Variants in GBF1 observed in about 807,000 individuals in gnomAD.
GBF1 encodes Golgi-specific brefeldin A-resistance guanine nucleotide exchange factor 1.
Under a neutral mutation model 210.5 loss-of-function variants are expected in GBF1, and 114 were observed. The ratio of observed to expected loss-of-function variants is 0.54; its 90% CI spans 0.47 to 0.63. The LOEUF is 0.63. GBF1 is among the 30% of genes least tolerant of loss of function. The pLI, the probability that GBF1 is intolerant of heterozygous loss-of-function variation, is 0.00. For synonymous variants in GBF1, 850 were observed against 889.2 expected, an observed-to-expected ratio of 0.96 and a Z score of 0.78; for missense variants, 1,851 against 2,357.7, an observed-to-expected ratio of 0.79 and a Z score of 4.45.
At position 102,376,625 on chromosome 10, in the gene GBF1, C is replaced by T. The variant is rs1295647118; in HGVS notation, c.4113C>T (p.Ile1371=). The change falls in exon 32 of 40, where the codon ATC becomes ATT. Residue 1371 remains isoleucine, a synonymous_variant. Transcript: ENST00000369983. ...GCCGCCCAGGCCCTTCACCCCTGAT[C>T]AATCAATACAGCCTAACAGTGGGAC... is the stretch of plus-strand genomic sequence containing the variant. ...GPSRPGPSPL[I]NQYSLTVGLD... The T allele has an allele frequency of 1.2e-6, 2 of 1,613,758 alleles. No individual in the cohort carries two copies. Among genetic ancestry groups the T allele is most frequent in the Admixed American group, 3.3e-5 (2 of 60,016 alleles).
chr10:102,292,811 G>A (rs77414092), intron 3 of GBF1, among the ~76,000 whole-genome samples: 1,858 of 152,214 alleles, frequency 0.012, 33 homozygotes, highest in African/African-American at 0.043. Context: ...TAGCAATATT[G>A]TAGAATATAT....
intron 1 of GBF1, among the ~76,000 whole-genome samples, chr10:102,249,783 C>G (rs1489498272): frequency 6.6e-6 from 1 of 151,512 alleles, no homozygotes; most frequent in Non-Finnish European, 1.5e-5. Context: ...CCTCCGCCTC[C>G]TGGGTTCAAG....
At chr10:102,291,329 G>A (rs2076418087) in intron 3 of GBF1, among the ~76,000 whole-genome samples, 1 of 152,138 alleles carries the variant, frequency 6.6e-6, no homozygotes, top group South Asian at 2.1e-4. Context: ...GAAACGAGAG[G>A]TCCTGGCTGA....
intron 3 of GBF1, among the ~76,000 whole-genome samples, chr10:102,297,347 A>G (rs2076992556): frequency 6.6e-6 from 1 of 152,252 alleles, no homozygotes. Context: ...TACAGTTATC[A>G]CTAGACTTTG....
At chr10:102,364,936 C>A (rs752056121) in intron 17 of GBF1, among the ~76,000 whole-genome samples, 1 of 152,146 alleles carries the variant, frequency 6.6e-6, no homozygotes, top group Non-Finnish European at 1.5e-5. Flanking sequence ...AGTACCTGGC[C>A]GTGACTGGAC....
In GBF1 at chr10:102,255,497, A is replaced by G. The variant is rs58851298; in HGVS notation, c.-10-3432A>G. Reference sequence around the variant, plus strand: ...AATATATGTTTGTGACACAAAATTCAAAAGGTAAAAAAGAATATACAGAGA... The same window carrying G: ...AATATATGTTTGTGACACAAAATTCGAAAGGTAAAAAAGAATATACAGAGA... On this transcript the variant is annotated intron_variant, in intron 1 of 39. Transcript: ENST00000369983. 4.6e-3 allele frequency among the ~76,000 whole-genome samples: 698 copies of G among 152,346 alleles called. 8 individuals carry two copies. The highest frequency in any genetic ancestry group is 0.015 in the African/African-American group (628 of 41,572).
chr10:102,230,997 C>T, the GBF1 span: 1 of 1,600,514 alleles, frequency 6.2e-7, no homozygotes, highest in South Asian at 1.1e-5. Flanking sequence ...CCTCGTAGGG[C>T]GGCACCAGCC....
At chr10:102,302,485 A>G (rs1365252602) in intron 3 of GBF1, among the ~76,000 whole-genome samples, 1 of 152,190 alleles carries the variant, frequency 6.6e-6, no homozygotes, top group Non-Finnish European at 1.5e-5. Flanking sequence ...TGACCTTCCA[A>G]TGGAAGGAAT....
At chr10:102,347,753 T>C (rs1217163222) in intron 4 of GBF1, among the ~76,000 whole-genome samples, 2 of 152,174 alleles carry the variant, frequency 1.3e-5, no homozygotes, top group Non-Finnish European at 2.9e-5. Flanking sequence ...AGAAAACTCC[T>C]GTCTCTTGCT....
rs1251384008 is a variant in GBF1, at chr10:102,379,656, G to A, written c.4776+5G>A. The stretch of plus-strand genomic sequence containing the variant: ...TGGGAGTCCTGTTTTAACAAGGTGG[G>A]ACTTCCTACTGGTCTTAAGATAAAG... On this transcript the variant is annotated splice_donor_5th_base_variant and intron_variant, in intron 35 of 39. Transcript: ENST00000369983. 6.2e-7 allele frequency: 1 copy of A among 1,613,710 alleles called. No homozygotes were observed. Among genetic ancestry groups the A allele is most frequent in the Non-Finnish European group, 8.5e-7 (1 of 1,179,882 alleles).
intron 4 of GBF1, among the ~76,000 whole-genome samples, chr10:102,348,470 C>T (rs967768177): frequency 6.6e-5 from 10 of 152,194 alleles, no homozygotes; most frequent in Non-Finnish European, 1.3e-4. Context: ...GAGATGGGAA[C>T]AAGGCTACTA....
At position 102,344,036 on chromosome 10, in the gene GBF1, T is replaced by A. The variant is rs773210812; in HGVS notation, c.164-15T>A. On this transcript the variant is annotated splice_polypyrimidine_tract_variant and intron_variant, in intron 3 of 39. Transcript: ENST00000369983. Reference sequence around the variant, plus strand: ...CTTAGATGATACCTCTTCATTTCTGTGTATTTTCTTGCAGAACTCTCAGAA... The same window carrying A: ...CTTAGATGATACCTCTTCATTTCTGAGTATTTTCTTGCAGAACTCTCAGAA... 3.1e-6 allele frequency: 5 copies of A among 1,608,772 alleles called. No individual in the cohort carries two copies. The Admixed American group carries it at 8.3e-5, about 27-fold the overall frequency.
chr10:102,271,151 C>T (rs2074375893), intron 3 of GBF1, among the ~76,000 whole-genome samples: 1 of 152,072 alleles, frequency 6.6e-6, no homozygotes, highest in Admixed American at 6.5e-5. Context: ...CATTCTCCTG[C>T]CTCAGCCTCC....
At position 102,366,934 on chromosome 10, in the gene GBF1, A is replaced by C; in HGVS notation, c.2434-151A>C. The C allele has an allele frequency of 2.5e-6, 2 of 795,146 alleles. No homozygotes were observed. The highest frequency in any genetic ancestry group is 4.1e-6 in the Non-Finnish European group (2 of 491,228). The allele number at this position is 795,146 out of a possible 1,614,324, so 49.3% of individuals were successfully genotyped here. A position where few individuals can be genotyped will look rare whatever the true frequency, so the allele number is the denominator to read the frequency against. ...AGCAAAATTAGTGACCTTTCCACAA[A>C]GAGATCAGCTTCTGTTAAGGAGTTG... On this transcript the variant is annotated intron_variant, in intron 19 of 39. Coordinates refer to ENST00000369983, the MANE Select transcript of GBF1 (RefSeq NM_001377137.1). The surrounding 1 kb of genome is among the most constrained non-coding windows in gnomAD (Gnocchi z 4.0).
rs776984544 is a variant in GBF1 at position 102,344,063 on chromosome 10, T to C, written c.176T>C (p.Ile59Thr). 2.5e-6 allele frequency: 4 copies of C among 1,612,772 alleles called. No individual in the cohort carries two copies. Among genetic ancestry groups the C allele is most frequent in the Non-Finnish European group, 2.5e-6 (3 of 1,178,884 alleles). The change falls in exon 4 of 40, where the codon ATT becomes ACT. Residue 59 changes from isoleucine to threonine, a missense_variant. By Grantham distance (89) the Ile-to-Thr change is moderately conservative. This residue lies in a region of GBF1 where 804 missense variants were observed against 958.6 expected (regional missense o/e 0.84). Coordinates refer to ENST00000369983, the MANE Select transcript of GBF1 (RefSeq NM_001377137.1). ...TATTTTCTTGCAGAACTCTCAGAAA[T>C]TGAGCCCAATGTATTCCTTCGACCT... ...VLNSITELSE[I>T]EPNVFLRPFL...
chr10:102,230,656 T>A, the GBF1 span: 4 of 1,599,456 alleles, frequency 2.5e-6, no homozygotes, highest in Non-Finnish European at 2.6e-6. Context: ...CGGGTCCCGA[T>A]AGACGTAGGG....
In GBF1 at chr10:102,310,868, A is replaced by G. The variant is rs376560713; in HGVS notation, c.164-33183A>G. Reference sequence around the variant, plus strand: ...TATAGCTGATTGAACTTGAAAAGCCATTTTGGTGTTGAATGGCAAATATGT... The same window carrying G: ...TATAGCTGATTGAACTTGAAAAGCCGTTTTGGTGTTGAATGGCAAATATGT... On this transcript the variant is annotated intron_variant, in intron 3 of 39. Transcript: ENST00000369983. 6.6e-5 allele frequency among the ~76,000 whole-genome samples: 10 copies of G among 152,354 alleles called. No individual in the cohort carries two copies. In the East Asian group the frequency reaches 1.9e-3, roughly 29 times the overall value.
chr10:102,306,996 C>A (rs2133915083), intron 3 of GBF1, among the ~76,000 whole-genome samples: 1 of 152,314 alleles, frequency 6.6e-6, no homozygotes, highest in South Asian at 2.1e-4. Context: ...AGCCAAGAAT[C>A]TCCTTGCCAT....
chr10:102,352,648 G>T, intron 7 of GBF1, 130 bp downstream of exon 7: 1 of 695,724 alleles, frequency 1.4e-6, no homozygotes, highest in Admixed American at 2.1e-5. Context: ...ATGGATGGGG[G>T]GTAGTTCTCT....
Sources: gnomAD v4.1 joint callset for allele counts (sites outside exome capture counted in the v4.1 genomes callset) on GRCh38, gnomAD v4.1.1 for gene constraint, gnomAD v4.1.1 regional missense constraint, Gnocchi (gnomAD v3.1) non-coding constraint, MANE v1.5 for transcripts, NCBI Gene and HGNC (gene_info 2026-07-23, HGNC 2026-07-21) for gene names.